RNF216: variants seen among roughly 807,000 people sequenced by gnomAD.
RNF216 encodes ring finger protein 216.
Under a neutral mutation model 110.8 loss-of-function variants are expected in RNF216, and 72 were observed. That is an observed-to-expected ratio of 0.65 (90% CI 0.54 to 0.79). The LOEUF (loss-of-function observed/expected upper bound fraction) is 0.79, where lower values mean the gene tolerates loss of function less well. Ranked by LOEUF, RNF216 falls within the 30% of genes least tolerant of loss-of-function variation. RNF216 has a pLI of 0.00. For synonymous variants in RNF216, 495 were observed against 407.5 expected (o/e 1.21, Z -2.59); for missense variants, 1,342 against 1,141.2 (o/e 1.18, Z -2.54).
chr7:5,672,399 T>C (rs1217159547), intron 13 of RNF216, among the ~76,000 whole-genome samples: 1 of 152,170 alleles, frequency 6.6e-6, no homozygotes, highest in Non-Finnish European at 1.5e-5. Context: ...GTTGGAGAGT[T>C]ATGTTTGTTA....
At chr7:5,709,971 C>T (rs1264482167) in intron 13 of RNF216, among the ~76,000 whole-genome samples, 1 of 152,154 alleles carries the variant, frequency 6.6e-6, no homozygotes, top group African/African-American at 2.4e-5. Context: ...TCAGGCTGGT[C>T]TCGGACTCCT....
chr7:5,712,679 G>C (rs1232090626), intron 12 of RNF216, 36 bp downstream of exon 12: 1 of 1,611,166 alleles, frequency 6.2e-7, no homozygotes, highest in Non-Finnish European at 8.5e-7. Flanking sequence ...CAATGGGGAA[G>C]AGTTGGCAGA....
chr7:5,634,420 C>A (rs564916747), intron 15 of RNF216, among the ~76,000 whole-genome samples: 2 of 152,312 alleles, frequency 1.3e-5, no homozygotes, highest in South Asian at 4.1e-4. Context: ...TCAAATTATT[C>A]CCAGATTAGC....
At position 5,625,615 on chromosome 7, in the gene RNF216, T is replaced by C. The variant is rs79030595; in HGVS notation, c.2383-1490A>G. Among the ~76,000 whole-genome samples the C allele has an allele frequency of 1.7e-3, 258 of 152,292 alleles. 1 individual carries two copies. The East Asian group carries it at 0.023, about 14-fold the overall frequency. On this transcript the variant is annotated intron_variant, in intron 15 of 16. Coordinates refer to ENST00000389902, the MANE Select transcript of RNF216 (RefSeq NM_207111.4). ...AGAAATGAGTGATTTCCCCACACAATTGTTTGTGAACCGCAAGGATTCTGG... is the reference window on the plus strand; with the variant it reads ...AGAAATGAGTGATTTCCCCACACAACTGTTTGTGAACCGCAAGGATTCTGG...
chr7:5,680,853 C>T lies in RNF216; in HGVS notation c.2062-28343G>A, dbSNP rs567119342. Among the ~76,000 whole-genome samples the T allele has an allele frequency of 1.2e-3, 184 of 152,254 alleles. No individual in the cohort carries two copies. Among genetic ancestry groups the T allele is most frequent in the Non-Finnish European group, 2.1e-3 (140 of 68,000 alleles). Reference sequence around the variant, plus strand: ...AAACCCAATTCCTCCTTTCTCTTTACCCCCACTCATTCCAGCTTGTCCTTT... The same window carrying T: ...AAACCCAATTCCTCCTTTCTCTTTATCCCCACTCATTCCAGCTTGTCCTTT... On this transcript the variant is annotated intron_variant, in intron 13 of 16. Transcript: ENST00000389902. This position sits in a 1 kb window ranked among gnomAD's most constrained non-coding sequence, Gnocchi z 4.3.
chr7:5,754,633 G>T (rs1795519403), intron 2 of RNF216, among the ~76,000 whole-genome samples: 1 of 152,094 alleles, frequency 6.6e-6, no homozygotes, highest in African/African-American at 2.4e-5. Context: ...ACTGAAAATG[G>T]CCATAGTGAA....
At chr7:5,744,613 A>T (rs904660058) in intron 3 of RNF216, among the ~76,000 whole-genome samples, 1 of 152,194 alleles carries the variant, frequency 6.6e-6, no homozygotes, top group Non-Finnish European at 1.5e-5. Flanking sequence ...AACCTCAAAG[A>T]ATACATTGGT....
At chr7:5,636,233 C>G (rs1787389227) in intron 15 of RNF216, among the ~76,000 whole-genome samples, 1 of 152,194 alleles carries the variant, frequency 6.6e-6, no homozygotes, top group Non-Finnish European at 1.5e-5. Flanking sequence ...GTGTCAAGAG[C>G]TGGCTTTCCA....
In RNF216 at chr7:5,734,620, C is replaced by T. The variant is rs1295240154; in HGVS notation, c.1122-3803G>A. ...ACCAAATGGCTTTCAAGGTTAAATA[C>T]CCAGGTAGAGTCTGTCGTTGAAAAA... On this transcript the variant is annotated intron_variant, in intron 5 of 16. Transcript: ENST00000389902. 4.1e-5 allele frequency among the ~76,000 whole-genome samples: 5 copies of T among 122,836 alleles called. No individual in the cohort carries two copies. The South Asian group carries it at 9.2e-4, about 23-fold the overall frequency. 80.6% of individuals were successfully genotyped at this position (122,836 alleles called of 152,430 possible).
At chr7:5,740,834 T>C (rs1794710820) in intron 4 of RNF216, 139 bp downstream of exon 4, 3 of 766,742 alleles carry the variant, frequency 3.9e-6, no homozygotes, top group Admixed American at 3.3e-5. Context: ...GTCTCTTCTA[T>C]TCTGTACATC....
intron 13 of RNF216, among the ~76,000 whole-genome samples, chr7:5,692,943 A>G (rs566551154): frequency 3.9e-5 from 6 of 152,318 alleles, no homozygotes; most frequent in Admixed American, 3.9e-4. Flanking sequence ...CCTTCCAAAT[A>G]GATTTTATGT....
chr7:5,625,591 G>A (rs1305603056), intron 15 of RNF216, among the ~76,000 whole-genome samples: 5 of 152,220 alleles, frequency 3.3e-5, no homozygotes, highest in African/African-American at 1.2e-4. Flanking sequence ...AGCCAAGACA[G>A]AAATGAGTGA....
chr7:5,667,553 G>A (rs2128591570), intron 13 of RNF216, among the ~76,000 whole-genome samples: 1 of 152,344 alleles, frequency 6.6e-6, no homozygotes, highest in African/African-American at 2.4e-5. Flanking sequence ...CCATGCATAG[G>A]AAGCAGATCT....
At position 5,716,750 on chromosome 7, in the gene RNF216, A is replaced by G; in HGVS notation, c.1661T>C (p.Leu554Pro). 4 of 1,607,888 alleles carry G rather than the reference A, an allele frequency of 2.5e-6. No individual in the cohort carries two copies. The highest frequency in any genetic ancestry group is 3.4e-6 in the Non-Finnish European group (4 of 1,176,686). ...CTGTTCTTCATTCATCTGTAGGGCAAGCAAAAAGTCTTCATGCTGAAGAAC... is the reference window on the plus strand; with the variant it reads ...CTGTTCTTCATTCATCTGTAGGGCAGGCAAAAAGTCTTCATGCTGAAGAAC... ...KEMAEHEDFL[L>P]ALQMNEEQYQ... The change falls in exon 10 of 17, where the codon CTT becomes CCT. Residue 554 changes from leucine to proline, a missense_variant. Transcript: ENST00000389902.
At chr7:5,641,817 T>G (rs1318073031) in intron 14 of RNF216, among the ~76,000 whole-genome samples, 2 of 151,864 alleles carry the variant, frequency 1.3e-5, no homozygotes, top group Non-Finnish European at 2.9e-5. Flanking sequence ...GGAAGATCAT[T>G]TGAGCTCAGG....
intron 13 of RNF216, among the ~76,000 whole-genome samples, chr7:5,653,333 G>C (rs1788512733): frequency 6.6e-6 from 1 of 152,094 alleles, no homozygotes. Context: ...GCTCACACCT[G>C]TAATCCCAGG....
intron 5 of RNF216, among the ~76,000 whole-genome samples, chr7:5,736,828 G>A (rs986383867): frequency 1.3e-5 from 2 of 151,846 alleles, no homozygotes; most frequent in Non-Finnish European, 2.9e-5. Context: ...GAGAAGTGAG[G>A]AGCCCCTCCG....
intron 15 of RNF216, among the ~76,000 whole-genome samples, chr7:5,635,491 T>C (rs982582897): frequency 6.6e-6 from 1 of 152,064 alleles, no homozygotes; most frequent in Non-Finnish European, 1.5e-5. Context: ...TACCTTTCCT[T>C]ACCAGGTTTC....
intron 9 of RNF216, among the ~76,000 whole-genome samples, chr7:5,718,989 G>A (rs1007831614): frequency 2.0e-5 from 3 of 151,700 alleles, no homozygotes; most frequent in African/African-American, 4.8e-5. Context: ...TCAAGTTAAT[G>A]GTATAAGCAC....
Sources: gnomAD v4.1 joint callset for allele counts (sites outside exome capture counted in the v4.1 genomes callset) on GRCh38, gnomAD v4.1.1 for gene constraint, Gnocchi (gnomAD v3.1) non-coding constraint, MANE v1.5 for transcripts, NCBI Gene and HGNC (gene_info 2026-07-23, HGNC 2026-07-21) for gene names.